PDE4DIP: variants seen among roughly 807,000 people sequenced by gnomAD.
PDE4DIP encodes the protein phosphodiesterase 4D interacting protein.
In PDE4DIP, 59 loss-of-function variants were observed where a neutral mutation model predicts 221.4. The observed-to-expected ratio is 0.27, with a 90% confidence interval of 0.22 to 0.33. The LOEUF is 0.33. Ranked by LOEUF, PDE4DIP falls within the 10% of genes least tolerant of loss-of-function variation. The pLI, the probability that PDE4DIP is intolerant of heterozygous loss-of-function variation, is 1.00. For missense variants in PDE4DIP, 1,036 were observed against 2,154.2 expected, an observed-to-expected ratio of 0.48 and a Z score of 10.28; for synonymous variants, 404 against 815.9, an observed-to-expected ratio of 0.50 and a Z score of 8.60.
Position 148,892,003 on chromosome 1 carries a change from T to TTTG in PDE4DIP, c.141+2127_141+2129dup, listed in dbSNP as rs112683815. Among the ~76,000 whole-genome samples the TTTG allele has an allele frequency of 1.2e-3, 102 of 84,946 alleles. 9 individuals are homozygous for TTTG. Among genetic ancestry groups the TTTG allele is most frequent in the Non-Finnish European group, 1.6e-3 (76 of 46,190 alleles). 55.7% of individuals were successfully genotyped at this position (84,946 alleles called of 152,430 possible). On this transcript the variant is annotated intron_variant, in intron 1 of 43. Transcript: ENST00000369354. ...TCTTAGGTAATTTGAGGGAAAGGAT[T>TTTG]TTGTTGTTGTTGTTGTTGTTCTGAG...
At chr1:148,934,670 C>T (rs1416553246) in intron 4 of PDE4DIP, among the ~76,000 whole-genome samples, 7 of 152,114 alleles carry the variant, frequency 4.6e-5, no homozygotes, top group African/African-American at 7.2e-5. Flanking sequence ...GTGGCAAGAT[C>T]TCGGCTCACT....
intron 43 of PDE4DIP, chr1:149,031,296 G>T (rs1291325159): frequency 1.2e-5 from 2 of 161,314 alleles, no homozygotes; most frequent in East Asian, 1.9e-4. Context: ...GCTTTCTCCA[G>T]TGTGGAAGCT....
chr1:148,963,094 C>T (rs2057328854), intron 9 of PDE4DIP, among the ~76,000 whole-genome samples: 1 of 152,152 alleles, frequency 6.6e-6, no homozygotes, highest in Admixed American at 6.5e-5. Context: ...GACAGGTTTT[C>T]ATCGTGTTAG....
At chr1:148,967,675 G>A (rs587726507) in intron 12 of PDE4DIP, 51 bp from the exon 16 acceptor site, 16 of 698,594 alleles carry the variant, frequency 2.3e-5, no homozygotes, top group Non-Finnish European at 3.8e-5. Flanking sequence ...TTTATCCTGA[G>A]GAGTATGGGG....
At chr1:148,989,885 T>C (rs1259930956) in intron 21 of PDE4DIP, among the ~76,000 whole-genome samples, 31 of 152,150 alleles carry the variant, frequency 2.0e-4, no homozygotes, top group Non-Finnish European at 4.4e-5. Context: ...AGCCAAAGAT[T>C]AGGGAATGTG....
rs1338259807 is a variant in PDE4DIP at position 148,972,713 on chromosome 1, A to T, written c.2227+121A>T. On this transcript the variant is annotated intron_variant, in intron 16 of 43. Transcript: ENST00000369354. ...CTCTTCCTACCTTAATAGAACAAAT[A>T]AGTTTGGAATTCCTCTGAAAGGCTG... 13 of 523,820 alleles carry T rather than the reference A, an allele frequency of 2.5e-5. No individual in the cohort carries two copies. In the African/African-American group the frequency reaches 2.6e-4, roughly 10 times the overall value. The allele number at this position is 523,820 out of a possible 1,614,324, so 32.4% of individuals were successfully genotyped here.
intron 9 of PDE4DIP, among the ~76,000 whole-genome samples, chr1:148,963,832 C>CAAGCTCCG (rs1434527617): frequency 3.1e-5 from 4 of 128,764 alleles, no homozygotes; most frequent in African/African-American, 9.1e-5. Flanking sequence ...CGGCTCGCTG[C>CAAGCTCCG]AAGCTCCGCC....
intron 1 of PDE4DIP, among the ~76,000 whole-genome samples, chr1:148,902,667 C>T (rs1352189852): frequency 1.2e-5 from 1 of 83,888 alleles, no homozygotes; most frequent in Non-Finnish European, 2.1e-5. Flanking sequence ...TCATCCAGAT[C>T]ATTGTGAATG....
At chr1:148,865,230 A>G (rs1553405986) in intron 2 of PDE4DIP, among the ~76,000 whole-genome samples, 1 of 118,010 alleles carries the variant, frequency 8.5e-6, no homozygotes, top group Non-Finnish European at 1.8e-5. Context: ...CTGGGATTAC[A>G]TGCGCTTGCC....
intron 32 of PDE4DIP, among the ~76,000 whole-genome samples, chr1:149,013,899 C>T (rs1553608141): frequency 6.6e-6 from 1 of 151,412 alleles, no homozygotes; most frequent in Non-Finnish European, 1.5e-5. Context: ...GCGACTCTCC[C>T]ACCTCAGCCC....
rs368257968 is a variant in PDE4DIP, at chr1:148,961,831, A to G, written c.769-6A>G. 4.9e-5 allele frequency: 65 copies of G among 1,325,570 alleles called. No individual in the cohort carries two copies. The highest frequency in any genetic ancestry group is 6.6e-5 in the Non-Finnish European group (61 of 921,224). The allele number at this position is 1,325,570 out of a possible 1,614,324, so 82.1% of individuals were successfully genotyped here. ...CTAAAAAACTGTTTTTCTTTGCTGA[A>G]TTCAGATTCTTCAAGAGAAACTTAA... On this transcript the variant is annotated splice_polypyrimidine_tract_variant and splice_region_variant and intron_variant, in intron 6 of 43. Transcript: ENST00000369354.
At chr1:148,986,303 C>T (rs2061895704) in intron 21 of PDE4DIP, 1 of 152,110 alleles carries the variant, frequency 6.6e-6, no homozygotes, top group Admixed American at 6.6e-5. Context: ...GGACCATTTC[C>T]CTACCAAAGC....
intron 5 of PDE4DIP, chr1:148,953,898 G>T: frequency 1.2e-6 from 2 of 1,612,012 alleles, no homozygotes; most frequent in Non-Finnish European, 1.7e-6. Context: ...TTGCCGCTCC[G>T]GGTCCAGGTA....
At chr1:149,005,271 G>A in exon 27 of PDE4DIP, 2 of 1,594,840 alleles carry the variant, frequency 1.3e-6, no homozygotes, top group Non-Finnish European at 1.7e-6. Flanking sequence ...TGATGAGGAT[G>A]AGGGGTGGCT....
At chr1:149,010,666 G>T in intron 31 of PDE4DIP, 71 bp downstream of exon 34, 2 of 1,515,860 alleles carry the variant, frequency 1.3e-6, no homozygotes, top group South Asian at 1.2e-5. Flanking sequence ...TTTCTTCAAC[G>T]ACAGAGGTTT....
intron 1 of PDE4DIP, among the ~76,000 whole-genome samples, chr1:148,820,721 G>A (rs868925876): frequency 3.3e-3 from 488 of 148,646 alleles, no homozygotes; most frequent in South Asian, 7.8e-3. Context: ...TTTTGGGGGG[G>A]GGGTGGCTAG....
exon 30 of PDE4DIP, chr1:149,009,633 G>C (rs112593076): frequency 6.6e-5 from 106 of 1,613,878 alleles, no homozygotes; most frequent in Non-Finnish European, 8.1e-5. Flanking sequence ...CTGGATGCTC[G>C]GTCCCTCACA....
chr1:148,821,687 C>T (rs1226978234), intron 1 of PDE4DIP, among the ~76,000 whole-genome samples: 2 of 144,314 alleles, frequency 1.4e-5, no homozygotes, highest in Non-Finnish European at 3.0e-5. Flanking sequence ...CCTCATAGGC[C>T]GTGGTAAGAA....
intron 1 of PDE4DIP, among the ~76,000 whole-genome samples, chr1:148,923,844 A>C (rs587697083): frequency 2.7e-5 from 4 of 146,280 alleles, no homozygotes; most frequent in African/African-American, 1.0e-4. Context: ...ACAAACTTTG[A>C]GGTAATTTTT....
Sources: gnomAD v4.1 joint callset for allele counts (sites outside exome capture counted in the v4.1 genomes callset) on GRCh38, gnomAD v4.1.1 for gene constraint, MANE v1.5 for transcripts, NCBI Gene and HGNC (gene_info 2026-07-23, HGNC 2026-07-21) for gene names.